MGMT: variants seen among roughly 807,000 people sequenced by gnomAD.
MGMT encodes the protein methylated-DNA--protein-cysteine methyltransferase.
A neutral mutation model predicts 15.9 loss-of-function variants in MGMT; 14 were observed. That is an observed-to-expected ratio of 0.88 (90% CI 0.58 to 1.37). The LOEUF (loss-of-function observed/expected upper bound fraction) is 1.37, where lower values mean the gene tolerates loss of function less well. Ranked by LOEUF, MGMT falls within the 40% of genes most tolerant of loss-of-function variation. The pLI is 0.00. For missense variants in MGMT, 282 were observed against 268.1 expected, an observed-to-expected ratio of 1.05 and a Z score of -0.36; for synonymous variants, 130 against 118.2, an observed-to-expected ratio of 1.10 and a Z score of -0.65.
chr10:129,663,097 T>G (rs1847618836), intron 2 of MGMT, among the ~76,000 whole-genome samples: 1 of 152,100 alleles, frequency 6.6e-6, no homozygotes, highest in Non-Finnish European at 1.5e-5. Context: ...ATACGTCTGT[T>G]TCTCAACATA....
intron 4 of MGMT, among the ~76,000 whole-genome samples, chr10:129,766,299 G>C (rs1290616333): frequency 6.6e-6 from 1 of 152,214 alleles, no homozygotes; most frequent in Admixed American, 6.5e-5. Context: ...GTGGTGGGCT[G>C]CGTGCGCCCA....
chr10:129,652,006 G>A (rs1022159306), intron 2 of MGMT, among the ~76,000 whole-genome samples: 1 of 152,218 alleles, frequency 6.6e-6, no homozygotes, highest in African/African-American at 2.4e-5. Context: ...CTTCACCCAG[G>A]TGTTGGGCCT....
At chr10:129,754,638 G>A (rs1168927479) in intron 3 of MGMT, among the ~76,000 whole-genome samples, 1 of 152,236 alleles carries the variant, frequency 6.6e-6, no homozygotes. Context: ...AATTTATTGG[G>A]CTCACAGCTC....
intron 2 of MGMT, among the ~76,000 whole-genome samples, chr10:129,564,893 A>C (rs529210753): frequency 2.0e-5 from 3 of 151,894 alleles, no homozygotes; most frequent in Admixed American, 2.0e-4. Flanking sequence ...CCCAGCGCCC[A>C]CCTATGGCCA....
chr10:129,632,709 G>A (rs1011967661), intron 2 of MGMT, among the ~76,000 whole-genome samples: 1 of 152,194 alleles, frequency 6.6e-6, no homozygotes. Context: ...GTTTGGGGGA[G>A]AGAGGGAGGG....
At chr10:129,603,033 T>A (rs1396121897) in intron 2 of MGMT, among the ~76,000 whole-genome samples, 1 of 152,188 alleles carries the variant, frequency 6.6e-6, no homozygotes, top group Non-Finnish European at 1.5e-5. Context: ...CTCCCAAAAT[T>A]TATTATAATG....
rs746975052 is a variant in MGMT at position 129,467,299 on chromosome 10, G to A, written c.-13+3G>A. On this transcript the variant is annotated splice_donor_region_variant and intron_variant, in intron 1 of 4. Transcript: ENST00000651593. ...CGGTGCGCACCGTTTGCGACTTGGT[G>A]AGTGTCTGGGTCGCCTCGCTCCCGG... The A allele has an allele frequency of 5.8e-6, 9 of 1,539,378 alleles. No individual in the cohort carries two copies. The South Asian group carries it at 8.4e-5, about 14-fold the overall frequency.
chr10:129,472,275 G>A (rs898091492), intron 1 of MGMT, among the ~76,000 whole-genome samples: 7 of 152,222 alleles, frequency 4.6e-5, no homozygotes, highest in African/African-American at 1.7e-4. Flanking sequence ...TAGCCCTCCA[G>A]GCACCTCCTC....
intron 1 of MGMT, among the ~76,000 whole-genome samples, chr10:129,509,033 G>A (rs1379751466): frequency 6.6e-6 from 1 of 152,210 alleles, no homozygotes; most frequent in Non-Finnish European, 1.5e-5. Flanking sequence ...TTTGAAGGAA[G>A]CGGCTCTTTT....
intron 2 of MGMT, among the ~76,000 whole-genome samples, chr10:129,539,455 T>TATGCCCGTTCC (rs1349769770): frequency 7.2e-5 from 11 of 152,242 alleles, no homozygotes; most frequent in African/African-American, 2.4e-4. Flanking sequence ...TTGCCTGTTC[T>TATGCCCGTTCC]ATGCCCGTTC....
chr10:129,499,506 G>A (rs748614270), intron 1 of MGMT, among the ~76,000 whole-genome samples: 14 of 152,148 alleles, frequency 9.2e-5, no homozygotes, highest in Non-Finnish European at 2.1e-4. Context: ...ACCTTTAATA[G>A]CATTTTCTGC....
chr10:129,640,090 T>A (rs1847311207), intron 2 of MGMT, among the ~76,000 whole-genome samples: 2 of 151,058 alleles, frequency 1.3e-5, no homozygotes, highest in Non-Finnish European at 2.9e-5. Context: ...CTTAGATAAA[T>A]GAATAACTTT....
At chr10:129,523,564 G>A (rs1202141946) in intron 1 of MGMT, among the ~76,000 whole-genome samples, 1 of 152,162 alleles carries the variant, frequency 6.6e-6, no homozygotes, top group Non-Finnish European at 1.5e-5. Context: ...CCGGGCTGCC[G>A]ACGTGGACGG....
Position 129,547,013 on chromosome 10 carries a change from C to T in MGMT, c.125+10636C>T, listed in dbSNP as rs549546527. Among the ~76,000 whole-genome samples, 9 of 152,294 alleles carry T rather than the reference C, an allele frequency of 5.9e-5. No individual in the cohort carries two copies. The South Asian group carries it at 1.7e-3, about 28-fold the overall frequency. On this transcript the variant is annotated intron_variant, in intron 2 of 4. Transcript: ENST00000651593. ...TAGATTTGTTCTTGGAGCTCTGTGT[C>T]AGGGTTGGGGTGGACAGGAGGGAGA...
chr10:129,744,248 T>G (rs1381489566), intron 3 of MGMT, among the ~76,000 whole-genome samples: 1 of 152,122 alleles, frequency 6.6e-6, no homozygotes, highest in Non-Finnish European at 1.5e-5. Flanking sequence ...CTGCTGAGTC[T>G]CTACACAAGG....
intron 2 of MGMT, among the ~76,000 whole-genome samples, chr10:129,614,776 G>A (rs916803124): frequency 2.6e-5 from 4 of 152,112 alleles, no homozygotes; most frequent in African/African-American, 7.2e-5. Flanking sequence ...TGAAGCCTTG[G>A]TTGGGGGCAT....
At chr10:129,516,553 T>C (rs2119710914) in intron 1 of MGMT, among the ~76,000 whole-genome samples, 1 of 152,154 alleles carries the variant, frequency 6.6e-6, no homozygotes, top group Non-Finnish European at 1.5e-5. Context: ...AGAAGCAGAA[T>C]CAAAACCGTG....
intron 2 of MGMT, among the ~76,000 whole-genome samples, chr10:129,547,825 A>G (rs1846113689): frequency 6.6e-6 from 1 of 152,182 alleles, no homozygotes; most frequent in Admixed American, 6.5e-5. Flanking sequence ...CCTTCTGCTC[A>G]TTCTAGAGGC....
At position 129,759,220 on chromosome 10, in the gene MGMT, T is replaced by C; in HGVS notation, c.293T>C (p.Val98Ala). 6.2e-7 allele frequency: 1 copy of C among 1,613,688 alleles called. No individual in the cohort carries two copies. Among genetic ancestry groups the C allele is most frequent in the Non-Finnish European group, 8.5e-7 (1 of 1,179,816 alleles). ...CTTTCAGAGTCGTTCACCAGACAGG[T>C]GTTATGGAAGCTGCTGAAGGTTGTG... Reference protein sequence around the residue: ...VFQQESFTRQVLWKLLKVVKF... With the variant: ...VFQQESFTRQALWKLLKVVKF... Residue 98 changes from valine to alanine, a missense_variant, in exon 4 of 5, where the codon GTG (valine) becomes GCG (alanine). Transcript: ENST00000651593.
Sources: allele counts gnomAD v4.1 joint callset (sites outside exome capture counted in the v4.1 genomes callset), GRCh38; gene constraint gnomAD v4.1.1; transcripts MANE v1.5; gene names NCBI Gene and HGNC (gene_info 2026-07-23, HGNC 2026-07-21).